Variants in TRIM2 observed in about 807,000 individuals in gnomAD.
TRIM2 encodes the protein tripartite motif containing 2.
TRIM2 carries 20 observed loss-of-function variants against 75.2 expected under a neutral mutation model. The ratio of observed to expected loss-of-function variants is 0.27; its 90% CI spans 0.19 to 0.39. The LOEUF (loss-of-function observed/expected upper bound fraction) is 0.39, where lower values mean the gene tolerates loss of function less well. TRIM2 is among the 10% of genes least tolerant of loss of function. The pLI is 1.00. For missense variants in TRIM2, 660 were observed against 990.8 expected (o/e 0.67, Z 4.48); for synonymous variants, 373 against 388.3 (o/e 0.96, Z 0.46).
rs570241283 is a variant in TRIM2 at position 153,328,277 on chromosome 4, C to T, written c.2023-253C>T. Among the ~76,000 whole-genome samples the T allele has an allele frequency of 3.3e-5, 5 of 152,278 alleles. No individual in the cohort carries two copies. The East Asian group carries it at 5.8e-4, about 18-fold the overall frequency. On this transcript the variant is annotated intron_variant, in intron 10 of 11. Coordinates refer to ENST00000338700, the MANE Select transcript of TRIM2 (RefSeq NM_015271.5). ...TATTTTATAACAAAGGTATCATTCA[C>T]ATAAGGATTTAATAACCAGATATAA...
At chr4:153,230,002 G>A (rs1423166569) in intron 1 of TRIM2, among the ~76,000 whole-genome samples, 1 of 152,138 alleles carries the variant, frequency 6.6e-6, no homozygotes, top group Non-Finnish European at 1.5e-5. Flanking sequence ...ATCTATTGAT[G>A]GGGGCCGAGG....
At chr4:153,183,031 G>C (rs1251328283) in intron 1 of TRIM2, among the ~76,000 whole-genome samples, 1 of 152,200 alleles carries the variant, frequency 6.6e-6, no homozygotes, top group Admixed American at 6.5e-5. Context: ...CTAAAGATTT[G>C]ATGAATGAAA....
rs562523522 is a variant in TRIM2, at chr4:153,177,687, G to A, written c.-49+24417G>A. 1.1e-3 allele frequency among the ~76,000 whole-genome samples: 154 copies of A among 142,016 alleles called. 1 individual carries two copies. Among genetic ancestry groups the A allele is most frequent in the Admixed American group, 2.8e-3 (41 of 14,414 alleles). 93.2% of individuals were successfully genotyped at this position (142,016 alleles called of 152,430 possible). A position where few individuals can be genotyped will look rare whatever the true frequency, so the allele number is the denominator to read the frequency against. Reference sequence around the variant, plus strand: ...AGGAGTCCTAGAATATGGAAGAAAGGGAGAATGGATGGTGGCTCGCTCCTT... The same window carrying A: ...AGGAGTCCTAGAATATGGAAGAAAGAGAGAATGGATGGTGGCTCGCTCCTT... On this transcript the variant is annotated intron_variant, in intron 1 of 11. Transcript: ENST00000437508.
chr4:153,171,066 G>A (rs1020518265), intron 1 of TRIM2, among the ~76,000 whole-genome samples: 11 of 152,158 alleles, frequency 7.2e-5, no homozygotes, highest in Admixed American at 4.6e-4. Flanking sequence ...AGTAAGGATG[G>A]GTTGCTAGCC....
rs143261402 is a variant in TRIM2 at position 153,301,154 on chromosome 4, A to G, written c.1510+5118A>G. ...TGCAGTGAGCCAAGATCGCGCCACT[A>G]CATTCCAGCCTGAGTGACAGAGCGA... On this transcript the variant is annotated intron_variant, in intron 6 of 11. Transcript: ENST00000338700. Among the ~76,000 whole-genome samples the G allele has an allele frequency of 6.6e-3, 1,001 of 151,654 alleles. 12 individuals are homozygous for G. The highest frequency in any genetic ancestry group is 0.023 in the African/African-American group (944 of 41,288).
At chr4:153,245,942 GTGCTGGGAT>G (rs1749016306) in intron 1 of TRIM2, among the ~76,000 whole-genome samples, 1 of 152,302 alleles carries the variant, frequency 6.6e-6, no homozygotes, top group East Asian at 1.9e-4. Context: ...GCCTCTGAAA[GTGCTGGGAT>G]TACAGGCATG....
intron 8 of TRIM2, among the ~76,000 whole-genome samples, chr4:153,318,674 T>C (rs1477665315): frequency 6.6e-6 from 1 of 152,236 alleles, no homozygotes; most frequent in African/African-American, 2.4e-5. Context: ...TTTTATACTC[T>C]AGCAAAACCG....
intron 1 of TRIM2, among the ~76,000 whole-genome samples, chr4:153,218,999 C>T (rs1579683905): frequency 6.6e-6 from 1 of 152,262 alleles, no homozygotes; most frequent in South Asian, 2.1e-4. Flanking sequence ...TCCTGACCCC[C>T]CCCATTCTGC....
intron 1 of TRIM2, among the ~76,000 whole-genome samples, chr4:153,187,252 T>C (rs1732691953): frequency 6.6e-6 from 1 of 152,122 alleles, no homozygotes; most frequent in African/African-American, 2.4e-5. Flanking sequence ...GAAAAAAAAT[T>C]TGTAGATGCC....
chr4:153,227,841 T>C (rs1290020091), intron 1 of TRIM2, among the ~76,000 whole-genome samples: 2 of 152,158 alleles, frequency 1.3e-5, no homozygotes, highest in Admixed American at 1.3e-4. Flanking sequence ...TAGTTTGCCT[T>C]AGCAGCAGCA....
chr4:153,172,579 A>G (rs1163277922), intron 1 of TRIM2, among the ~76,000 whole-genome samples: 2 of 152,214 alleles, frequency 1.3e-5, no homozygotes, highest in African/African-American at 2.4e-5. Context: ...CGGTTAGATC[A>G]TAATTGTTCA....
At chr4:153,320,436 A>G (rs903303089) in intron 8 of TRIM2, among the ~76,000 whole-genome samples, 4 of 152,262 alleles carry the variant, frequency 2.6e-5, no homozygotes, top group Non-Finnish European at 4.4e-5. Flanking sequence ...GCACTAATAT[A>G]GAGAGATAAA....
Position 153,261,030 on chromosome 4 carries a change from G to T in TRIM2, c.31-9305G>T, listed in dbSNP as rs530774161. Among the ~76,000 whole-genome samples the T allele has an allele frequency of 4.6e-5, 7 of 152,278 alleles. 1 individual carries two copies. The South Asian group carries it at 1.2e-3, about 27-fold the overall frequency. On this transcript the variant is annotated intron_variant, in intron 1 of 11. Transcript: ENST00000338700. The stretch of plus-strand genomic sequence containing the variant: ...ACAGGGTAGCATACTGTGATTTATA[G>T]ATAATCCAAATGGTTCAGGATTTCC...
intron 3 of TRIM2, among the ~76,000 whole-genome samples, chr4:153,284,561 C>T (rs1345140150): frequency 1.3e-5 from 2 of 152,198 alleles, no homozygotes; most frequent in Admixed American, 1.3e-4. Flanking sequence ...ACTAGCAAAG[C>T]ATAAGGGTTC....
At chr4:153,233,061 C>T (rs900158393) in intron 1 of TRIM2, among the ~76,000 whole-genome samples, 2 of 152,170 alleles carry the variant, frequency 1.3e-5, no homozygotes, top group Non-Finnish European at 2.9e-5. Flanking sequence ...AGAGTGGGTG[C>T]GGCCTCTGAG....
At chr4:153,205,373 C>G (rs1203189446) in intron 1 of TRIM2, among the ~76,000 whole-genome samples, 1 of 152,130 alleles carries the variant, frequency 6.6e-6, no homozygotes, top group Non-Finnish European at 1.5e-5. Context: ...CCATTCGGTG[C>G]TCAGTGAGGC....
chr4:153,265,757 C>G (rs904398242), intron 1 of TRIM2: 1 of 137,574 alleles, frequency 7.3e-6, no homozygotes, highest in Non-Finnish European at 1.6e-5. Flanking sequence ...AGTGAGCACT[C>G]ATCATTTTTA....
At chr4:153,326,406 C>T (rs1248104077) in intron 10 of TRIM2, among the ~76,000 whole-genome samples, 1 of 152,070 alleles carries the variant, frequency 6.6e-6, no homozygotes, top group East Asian at 1.9e-4. Flanking sequence ...CAACTATTGC[C>T]AAATAAGTTT....
chr4:153,302,171 T>C (rs1764049247), intron 6 of TRIM2, among the ~76,000 whole-genome samples: 1 of 152,232 alleles, frequency 6.6e-6, no homozygotes, highest in Non-Finnish European at 1.5e-5. Flanking sequence ...GTTTTCTGTG[T>C]ACAGATCTTT....
Sources: allele counts gnomAD v4.1 joint callset (sites outside exome capture counted in the v4.1 genomes callset), GRCh38; gene constraint gnomAD v4.1.1; transcripts MANE v1.5; gene names NCBI Gene and HGNC (gene_info 2026-07-23, HGNC 2026-07-21).